The following C18orf32 variants were observed in gnomAD, a reference collection of about 807,000 sequenced individuals.
C18orf32 encodes chromosome 18 open reading frame 32.
Under a neutral mutation model 7.4 loss-of-function variants are expected in C18orf32, and 5 were observed. The ratio of observed to expected loss-of-function variants is 0.68; its 90% CI spans 0.35 to 1.42. The LOEUF (loss-of-function observed/expected upper bound fraction) is 1.42, where lower values mean the gene tolerates loss of function less well. Ranked by LOEUF, C18orf32 falls within the 40% of genes most tolerant of loss-of-function variation. The probability of loss-of-function intolerance (pLI) is 0.04; values close to 1 mark genes in which losing one functional copy is unlikely to be tolerated. For synonymous variants in C18orf32, 30 were observed against 29.3 expected (o/e 1.02, Z -0.08); for missense variants, 88 against 92.4 (o/e 0.95, Z 0.19).
At chr18:49,485,047 A>T (rs2083720899) in intron 1 of C18orf32, among the ~76,000 whole-genome samples, 1 of 152,158 alleles carries the variant, frequency 6.6e-6, no homozygotes, top group African/African-American at 2.4e-5. Flanking sequence ...ATGCCACTGC[A>T]TTCCAGCCTG....
Position 49,483,648 on chromosome 18 carries a change from C to A in C18orf32, c.101G>T (p.Arg34Leu), listed in dbSNP as rs372217659. The change falls in exon 2 of 3, where the codon CGT (arginine) becomes CTT (leucine). Residue 34 changes from arginine to leucine, a missense_variant. By Grantham distance (102) the Arg-to-Leu change is moderately radical. Transcript: ENST00000318240. ...TTGTATTGCTTTCTTAGGCCATATA[C>A]GACTAACGAAGGGGGAAACCAGAGG... is the stretch of plus-strand genomic sequence containing the variant. ...IYPLVSPFVS[R>L]IWPKKAIQES... The A allele has an allele frequency of 1.2e-6, 2 of 1,613,290 alleles. No individual in the cohort carries two copies. The highest frequency in any genetic ancestry group is 1.3e-5 in the African/African-American group (1 of 74,836).
At position 49,477,642 on chromosome 18, in the gene C18orf32, G is replaced by A. The variant is rs1417188114; in HGVS notation, c.*4703C>T. ...TAAAGTACAAAATTAGCCGGGTGTG[G>A]TAGCACGCACCTGTAATCCCAGCTA... On this transcript the variant is annotated 3_prime_UTR_variant, in exon 3 of 3. Transcript: ENST00000318240. The A allele has an allele frequency of 1.3e-5, 2 of 149,660 alleles. No individual in the cohort carries two copies. Among genetic ancestry groups the A allele is most frequent in the African/African-American group, 5.1e-5 (2 of 39,066 alleles). The allele number at this position is 149,660 out of a possible 1,614,324, so 9.3% of individuals were successfully genotyped here. A position where few individuals can be genotyped will look rare whatever the true frequency, so the allele number is the denominator to read the frequency against.
At position 49,477,782 on chromosome 18, in the gene C18orf32, A is replaced by ACAAG. The variant is rs1158181149; in HGVS notation, c.*4562_*4563insCTTG. On this transcript the variant is annotated 3_prime_UTR_variant, in exon 3 of 3. Coordinates refer to ENST00000318240, the MANE Select transcript of C18orf32 (RefSeq NM_001035005.4). ...AAGAGCGAAACTCCATCTTCCAAAA[A>ACAAG]CAAACAAACAAACAAAAATATATAT... 1 of 101,724 alleles carries ACAAG rather than the reference A, an allele frequency of 9.8e-6. No homozygotes were observed. The highest frequency in any genetic ancestry group is 1.9e-5 in the Non-Finnish European group (1 of 52,558). 6.3% of individuals were successfully genotyped at this position (101,724 alleles called of 1,614,324 possible). A position where few individuals can be genotyped will look rare whatever the true frequency, so the allele number is the denominator to read the frequency against.
Position 49,483,569 on chromosome 18 carries a change from T to C in C18orf32, c.165+15A>G. 6.3e-7 allele frequency: 1 copy of C among 1,582,824 alleles called. No homozygotes were observed. Among genetic ancestry groups the C allele is most frequent in the Non-Finnish European group, 8.6e-7 (1 of 1,167,640 alleles). ...CCTTTCACTGCTCTTATTCAAGGCA[T>C]GTGAATGTTCTTACCTTAAAGTTTA... On this transcript the variant is annotated intron_variant, in intron 2 of 2. Transcript: ENST00000318240.
At chr18:49,486,927 G>C (rs539215770) in intron 1 of C18orf32, 116 bp downstream of exon 1, 1 of 145,230 alleles carries the variant, frequency 6.9e-6, no homozygotes, top group Admixed American at 7.0e-5. Context: ...TCAATATAAA[G>C]TATCGGAGAG....
At chr18:49,486,477 T>C (rs2083747561) in intron 1 of C18orf32, 1 of 152,198 alleles carries the variant, frequency 6.6e-6, no homozygotes, top group Admixed American at 6.5e-5. Context: ...CTCTTCGGAA[T>C]GAAGCCTATT....
At chr18:49,484,201 C>CATACATACAT (rs56983810) in intron 1 of C18orf32, among the ~76,000 whole-genome samples, 3 of 117,836 alleles carry the variant, frequency 2.5e-5, no homozygotes, top group Non-Finnish European at 5.0e-5. Context: ...CACACACACA[C>CATACATACAT]GAAAGGACTA....
rs765941547 is a variant in C18orf32 at position 49,483,587 on chromosome 18, A to C, written c.162T>G (p.Phe54Leu). 5.0e-6 allele frequency: 8 copies of C among 1,602,258 alleles called. No homozygotes were observed. Among genetic ancestry groups the C allele is most frequent in the Non-Finnish European group, 6.8e-6 (8 of 1,176,826 alleles). Residue 54 changes from phenylalanine to leucine, a missense_variant, in exon 2 of 3, where the codon TTT (phenylalanine) becomes TTG (leucine). Coordinates refer to ENST00000318240, the MANE Select transcript of C18orf32 (RefSeq NM_001035005.4). ...CAAGGCATGTGAATGTTCTTACCTT[A>C]AAGTTTACTTTGCCTTTGTTTGTAT... ...SNDTNKGKVNFKGADMNGLPT... is the reference protein window; with the variant it reads ...SNDTNKGKVNLKGADMNGLPT...
rs2083647181 is a variant in C18orf32 at position 49,479,942 on chromosome 18, C to T, written c.*2403G>A. 1 of 152,280 alleles carries T rather than the reference C, an allele frequency of 6.6e-6. No individual in the cohort carries two copies. The highest frequency in any genetic ancestry group is 1.5e-5 in the Non-Finnish European group (1 of 68,098). The allele number at this position is 152,280 out of a possible 1,614,324, so 9.4% of individuals were successfully genotyped here. A position where few individuals can be genotyped will look rare whatever the true frequency, so the allele number is the denominator to read the frequency against. ...GATGTAAGCAAAATTTACAAAAGCA[C>T]TTGGGAGGATGTGTGGGAGGAGCAG... On this transcript the variant is annotated 3_prime_UTR_variant, in exon 3 of 3. Transcript: ENST00000318240.
In C18orf32 at chr18:49,479,672, G is replaced by T. The variant is rs1382729246; in HGVS notation, c.*2673C>A. On this transcript the variant is annotated 3_prime_UTR_variant, in exon 3 of 3. Transcript: ENST00000318240. ...TGAGGCACAGTGACTTCTGGCTGAG[G>T]AACAGTTGGCCTGAGGTGACCTTGC... The T allele has an allele frequency of 1.3e-5, 2 of 152,384 alleles. No homozygotes were observed. Among genetic ancestry groups the T allele is most frequent in the Non-Finnish European group, 1.5e-5 (1 of 68,164 alleles). The allele number at this position is 152,384 out of a possible 1,614,324, so 9.4% of individuals were successfully genotyped here. A position where few individuals can be genotyped will look rare whatever the true frequency, so the allele number is the denominator to read the frequency against.
intron 1 of C18orf32, among the ~76,000 whole-genome samples, chr18:49,485,403 A>C (rs1484834577): frequency 6.6e-6 from 1 of 151,800 alleles, no homozygotes; most frequent in Non-Finnish European, 1.5e-5. Context: ...AAAATACAAA[A>C]ATTAGCTGGG....
At position 49,482,874 on chromosome 18, in the gene C18orf32, C is replaced by G. The variant is rs543464128; in HGVS notation, c.166-464G>C. 3.4e-5 allele frequency among the ~76,000 whole-genome samples: 5 copies of G among 149,158 alleles called. No homozygotes were observed. In the South Asian group the frequency reaches 8.4e-4, roughly 25 times the overall value. On this transcript the variant is annotated intron_variant, in intron 2 of 2. Coordinates refer to ENST00000318240, the MANE Select transcript of C18orf32 (RefSeq NM_001035005.4). ...AGTGCAATGATGTGATCTCGGCTCA[C>G]TGAAACCTCTGCCACCCAGGTTCAA...
rs1292586251 is a variant in C18orf32, at chr18:49,478,582, G to C, written c.*3763C>G. The C allele has an allele frequency of 6.7e-6, 1 of 150,358 alleles. No individual in the cohort carries two copies. The highest frequency in any genetic ancestry group is 1.5e-5 in the Non-Finnish European group (1 of 68,078). 9.3% of individuals were successfully genotyped at this position (150,358 alleles called of 1,614,324 possible). ...TCCGGTGGATCCTGTTTTCTTGACT[G>C]TATTTCAGGTTTATGCAGACCAGGT... On this transcript the variant is annotated 3_prime_UTR_variant, in exon 3 of 3. Transcript: ENST00000318240.
In C18orf32 at chr18:49,481,969, T is replaced by C. The variant is rs1162017427; in HGVS notation, c.*376A>G. On this transcript the variant is annotated 3_prime_UTR_variant, in exon 3 of 3. Transcript: ENST00000318240. ...GTTTCACAACAAAATTGTACTCCAC[T>C]CAAATTAGAAGAGCCCAAAGAAATT... The C allele has an allele frequency of 4.7e-6, 1 of 212,108 alleles. No homozygotes were observed. The highest frequency in any genetic ancestry group is 2.4e-5 in the African/African-American group (1 of 41,860). The allele number at this position is 212,108 out of a possible 1,614,324, so 13.1% of individuals were successfully genotyped here. A position where few individuals can be genotyped will look rare whatever the true frequency, so the allele number is the denominator to read the frequency against.
Position 49,482,310 on chromosome 18 carries a change from T to G in C18orf32, c.*35A>C. 6.7e-7 allele frequency: 1 copy of G among 1,491,574 alleles called. No homozygotes were observed. Among genetic ancestry groups the G allele is most frequent in the South Asian group, 1.1e-5 (1 of 87,768 alleles). 92.4% of individuals were successfully genotyped at this position (1,491,574 alleles called of 1,614,324 possible). On this transcript the variant is annotated 3_prime_UTR_variant, in exon 3 of 3. Transcript: ENST00000318240. ...AAGATGCTTCATATTATCAGGTCCA[T>G]TTTTTAAATGATGGGGTCCTTTAGG... is the stretch of plus-strand genomic sequence containing the variant.
At chr18:49,483,981 T>G (rs1169047204) in intron 1 of C18orf32, among the ~76,000 whole-genome samples, 2 of 150,882 alleles carry the variant, frequency 1.3e-5, no homozygotes, top group Non-Finnish European at 3.0e-5. Flanking sequence ...ATCAAAAAAT[T>G]AGCTGGGCAT....
intron 1 of C18orf32, 54 bp from the exon 2 acceptor site, chr18:49,483,825 G>T (rs375259579): frequency 6.4e-7 from 1 of 1,561,826 alleles, no homozygotes; most frequent in Non-Finnish European, 8.6e-7. Context: ...GTAACTGAAA[G>T]AATTTACCAA....
chr18:49,486,811 A>C (rs2083758121), intron 1 of C18orf32, among the ~76,000 whole-genome samples: 1 of 152,194 alleles, frequency 6.6e-6, no homozygotes, highest in Admixed American at 6.6e-5. Flanking sequence ...GAGCGGGGAC[A>C]GGTTGAGTCA....
rs2083660826 is a variant in C18orf32 at position 49,481,472 on chromosome 18, C to G, written c.*873G>C. On this transcript the variant is annotated 3_prime_UTR_variant, in exon 3 of 3. Transcript: ENST00000318240. ...AGCCATATGAGTGAGCCCAGAACAGCAAAGAACTGCCCAGTCGAGTCACTG... is the reference window on the plus strand; with the variant it reads ...AGCCATATGAGTGAGCCCAGAACAGGAAAGAACTGCCCAGTCGAGTCACTG... 1 of 152,278 alleles carries G rather than the reference C, an allele frequency of 6.6e-6. No homozygotes were observed. Among genetic ancestry groups the G allele is most frequent in the Admixed American group, 6.6e-5 (1 of 15,266 alleles). The allele number at this position is 152,278 out of a possible 1,614,324, so 9.4% of individuals were successfully genotyped here. A position where few individuals can be genotyped will look rare whatever the true frequency, so the allele number is the denominator to read the frequency against.
Sources: allele counts gnomAD v4.1 joint callset (sites outside exome capture counted in the v4.1 genomes callset), GRCh38; gene constraint gnomAD v4.1.1; transcripts MANE v1.5; gene names NCBI Gene and HGNC (gene_info 2026-07-23, HGNC 2026-07-21).